Variants in TENM2 observed in about 807,000 individuals in gnomAD.
The protein encoded by TENM2 is teneurin-2.
TENM2 carries 52 observed loss-of-function variants against 245.2 expected under a neutral mutation model. That is an observed-to-expected ratio of 0.21 (90% CI 0.17 to 0.27). TENM2 has a LOEUF of 0.27. TENM2 is among the 10% of genes least tolerant of loss of function. The pLI, the probability that TENM2 is intolerant of heterozygous loss-of-function variation, is 1.00. For missense variants in TENM2, 3,046 were observed against 3,666.8 expected (o/e 0.83, Z 4.37); for synonymous variants, 1,363 against 1,438.9 (o/e 0.95, Z 1.19).
intron 2 of TENM2, among the ~76,000 whole-genome samples, chr5:167,857,551 G>A (rs899308974): frequency 6.6e-6 from 1 of 152,082 alleles, no homozygotes; most frequent in Non-Finnish European, 1.5e-5. Context: ...TCTTTCCTAT[G>A]ATCTGGACAT....
chr5:167,988,710 T>C lies in TENM2; in HGVS notation c.948-4234T>C, dbSNP rs370589462. 1.1e-3 allele frequency among the ~76,000 whole-genome samples: 163 copies of C among 152,314 alleles called. 1 individual carries two copies. Among genetic ancestry groups the C allele is most frequent in the African/African-American group, 3.7e-3 (153 of 41,578 alleles). ...GGAGAGGTAGCCAGAGGGCAGATCATGCAGAGAGTTGAAGGCCATGAGAAA... is the reference window on the plus strand; with the variant it reads ...GGAGAGGTAGCCAGAGGGCAGATCACGCAGAGAGTTGAAGGCCATGAGAAA... On this transcript the variant is annotated intron_variant, in intron 4 of 28. Transcript: ENST00000518659.
At chr5:167,564,178 G>A (rs1406970790) in intron 2 of TENM2, among the ~76,000 whole-genome samples, 1 of 152,214 alleles carries the variant, frequency 6.6e-6, no homozygotes, top group Non-Finnish European at 1.5e-5. Context: ...CAGAAAGGGA[G>A]GATGGAGAAT....
chr5:167,155,835 C>T, the TENM2 span, among the ~76,000 whole-genome samples: 43 of 152,322 alleles, frequency 2.8e-4, no homozygotes, highest in East Asian at 5.4e-3. Context: ...TGCACATGTG[C>T]GGTCACGCAG....
intron 1 of TENM2, among the ~76,000 whole-genome samples, chr5:167,330,930 T>G (rs1757422257): frequency 6.6e-6 from 1 of 152,092 alleles, no homozygotes; most frequent in Non-Finnish European, 1.5e-5. Flanking sequence ...GTATTGTGTA[T>G]GTATTACCTA....
At chr5:167,974,043 A>AAGGG (rs1407477629) in intron 4 of TENM2, among the ~76,000 whole-genome samples, 1 of 60,036 alleles carries the variant, frequency 1.7e-5, no homozygotes, top group South Asian at 1.0e-3. Context: ...AAGGAGAAGG[A>AAGGG]AGGAAGGGAG....
chr5:167,570,847 G>A (rs1774222082), intron 2 of TENM2, among the ~76,000 whole-genome samples: 1 of 152,194 alleles, frequency 6.6e-6, no homozygotes, highest in Admixed American at 6.5e-5. Context: ...AATGATTGTG[G>A]TGGGGGAAGA....
chr5:167,000,146 ACAGT>A, the TENM2 span, among the ~76,000 whole-genome samples: 1 of 151,320 alleles, frequency 6.6e-6, no homozygotes, highest in African/African-American at 2.4e-5. Context: ...CAGCAATGTC[ACAGT>A]CAGTGGAAGA....
intron 2 of TENM2, among the ~76,000 whole-genome samples, chr5:167,688,353 C>T (rs1757214028): frequency 6.6e-6 from 1 of 152,094 alleles, no homozygotes; most frequent in Admixed American, 6.5e-5. Context: ...TATGATTCTC[C>T]TTGTGATTCC....
At chr5:168,049,242 C>G (rs1788873255) in intron 6 of TENM2, among the ~76,000 whole-genome samples, 2 of 152,168 alleles carry the variant, frequency 1.3e-5, no homozygotes, top group South Asian at 4.1e-4. Context: ...GAAGAATTAT[C>G]TCCTTTCAAG....
At chr5:167,284,934 C>A in exon 1 of TENM2, 1 of 1,551,722 alleles carries the variant, frequency 6.4e-7, no homozygotes, top group Non-Finnish European at 8.7e-7. Flanking sequence ...TGAGGACTGC[C>A]GCGTGCCCAC....
intron 2 of TENM2, among the ~76,000 whole-genome samples, chr5:167,612,737 G>A (rs1461097880): frequency 6.6e-6 from 1 of 152,048 alleles, no homozygotes; most frequent in Non-Finnish European, 1.5e-5. Context: ...CGTACGGGAT[G>A]TTTTGAGGGA....
rs192431136 is a variant in TENM2 at position 167,683,070 on chromosome 5, C to T, written c.503-192916C>T. 4.1e-4 allele frequency among the ~76,000 whole-genome samples: 63 copies of T among 152,276 alleles called. 1 individual carries two copies. Among genetic ancestry groups the T allele is most frequent in the Admixed American group, 4.1e-3 (63 of 15,292 alleles). ...TTACTGCTTTTAAAGCACATGACATCTGTTTAATGTATTGGACATGTCTGT... is the reference window on the plus strand; with the variant it reads ...TTACTGCTTTTAAAGCACATGACATTTGTTTAATGTATTGGACATGTCTGT... On this transcript the variant is annotated intron_variant, in intron 2 of 28. Coordinates refer to ENST00000518659, the Ensembl canonical transcript of TENM2.
intron 2 of TENM2, among the ~76,000 whole-genome samples, chr5:167,688,309 A>G (rs938838871): frequency 2.0e-5 from 3 of 151,964 alleles, no homozygotes; most frequent in Non-Finnish European, 4.4e-5. Flanking sequence ...CTTTCCCCCC[A>G]TGTTTTTATG....
chr5:167,878,515 G>T (rs1773611229), intron 3 of TENM2, among the ~76,000 whole-genome samples: 1 of 152,022 alleles, frequency 6.6e-6, no homozygotes, highest in Non-Finnish European at 1.5e-5. Context: ...TAGAAATTCT[G>T]GACTCTGGCT....
intron 2 of TENM2, among the ~76,000 whole-genome samples, chr5:167,692,060 CT>C (rs1204951691): frequency 1.3e-5 from 2 of 152,078 alleles, no homozygotes; most frequent in African/African-American, 2.4e-5. Flanking sequence ...TGATAGCCTT[CT>C]CTTTCTTCCT....
intron 3 of TENM2, among the ~76,000 whole-genome samples, chr5:167,942,731 T>C (rs1183688860): frequency 6.6e-6 from 1 of 152,126 alleles, no homozygotes; most frequent in African/African-American, 2.4e-5. Flanking sequence ...TCATGCAACA[T>C]CATAAGAAAG....
chr5:167,851,363 A>G (rs1770562637), intron 2 of TENM2, among the ~76,000 whole-genome samples: 1 of 152,198 alleles, frequency 6.6e-6, no homozygotes, highest in African/African-American at 2.4e-5. Context: ...TACAAGGAAT[A>G]ATTTTAGTGT....
rs545563461 is a variant in TENM2, at chr5:167,360,837, G to A, written c.227-14361G>A. ...GGGAGTGGAAGTTTAATTAGAGTGC[G>A]TACTATCAAACCATAAGTAGTGGAA... On this transcript the variant is annotated intron_variant, in intron 1 of 28. Transcript: ENST00000518659. Among the ~76,000 whole-genome samples, 23 of 152,216 alleles carry A rather than the reference G, an allele frequency of 1.5e-4. 1 individual carries two copies. The South Asian group carries it at 1.9e-3, about 12-fold the overall frequency.
At chr5:167,314,794 G>T (rs1464289112) in intron 1 of TENM2, among the ~76,000 whole-genome samples, 2 of 151,846 alleles carry the variant, frequency 1.3e-5, no homozygotes, top group Non-Finnish European at 2.9e-5. Flanking sequence ...ATATATTAAT[G>T]ATATACACAT....
Sources: gnomAD v4.1 joint callset for allele counts (sites outside exome capture counted in the v4.1 genomes callset) on GRCh38, gnomAD v4.1.1 for gene constraint, MANE v1.5 for transcripts, NCBI Gene and HGNC (gene_info 2026-07-23, HGNC 2026-07-21) for gene names.